PATJ: variants seen among roughly 807,000 people sequenced by gnomAD.
PATJ encodes the protein inaD-like protein.
A neutral mutation model predicts 224.9 loss-of-function variants in PATJ; 190 were observed. The observed-to-expected ratio is 0.84, with a 90% CI of 0.75 to 0.95. PATJ has a LOEUF of 0.95. Ranked by LOEUF, PATJ falls within the 40% of genes least tolerant of loss-of-function variation. The pLI is 0.00. For missense variants in PATJ, 2,121 were observed against 2,270.3 expected, an observed-to-expected ratio of 0.93 and a Z score of 1.34; for synonymous variants, 769 against 820.3, an observed-to-expected ratio of 0.94 and a Z score of 1.07.
rs1229865239 is a variant in PATJ, at chr1:62,161,327, ATTTCTTTTTTTTTTT to A, written c.*277_*291del. ...TTTTGCATTTAATTTCAGTGTTCCGATTTCTTTTTTTTTTTTTTTTTTTTTTTTTGAGACGGAGTC... is the reference window on the plus strand; with the variant it reads ...TTTTGCATTTAATTTCAGTGTTCCGATTTTTTTTTTTTTTGAGACGGAGTC... On this transcript the variant is annotated 3_prime_UTR_variant, in exon 44 of 44. Coordinates refer to ENST00000642238, the MANE Select transcript of PATJ (RefSeq NM_001350145.3). The A allele has an allele frequency of 7.5e-6, 1 of 133,672 alleles. No individual in the cohort carries two copies. The highest frequency in any genetic ancestry group is 3.8e-5 in the African/African-American group (1 of 26,342). The allele number at this position is 133,672 out of a possible 1,614,324, so 8.3% of individuals were successfully genotyped here.
rs955614419 is a variant in PATJ at position 61,831,847 on chromosome 1, A to G, written c.1981-1807A>G. 3.3e-5 allele frequency among the ~76,000 whole-genome samples: 5 copies of G among 152,260 alleles called. 1 individual carries two copies. Among genetic ancestry groups the G allele is most frequent in the Non-Finnish European group, 7.3e-5 (5 of 68,044 alleles). On this transcript the variant is annotated intron_variant, in intron 16 of 43. Transcript: ENST00000642238. ...TTACTGCGTATATACCCAGAGGAAT[A>G]TAAATTGTTTTGCCATAAAGATGCA...
chr1:61,898,931 C>T (rs932272654), intron 22 of PATJ, among the ~76,000 whole-genome samples: 12 of 149,542 alleles, frequency 8.0e-5, no homozygotes, highest in African/African-American at 2.5e-4. Flanking sequence ...GGACTACAGG[C>T]ATGTGCCACC....
chr1:62,128,532 G>C, intron 40 of PATJ: 1 of 318,442 alleles, frequency 3.1e-6, no homozygotes, highest in Non-Finnish European at 5.8e-6. Flanking sequence ...TTTATTGAAC[G>C]GTTGATGTGT....
intron 34 of PATJ, among the ~76,000 whole-genome samples, chr1:62,112,451 A>G (rs1663953332): frequency 6.6e-6 from 1 of 152,222 alleles, no homozygotes; most frequent in Admixed American, 6.5e-5. Flanking sequence ...GGCTGCAATG[A>G]GCCGGGATCG....
chr1:61,767,453 C>A (rs1487511899), intron 4 of PATJ, among the ~76,000 whole-genome samples: 1 of 151,994 alleles, frequency 6.6e-6, no homozygotes, highest in African/African-American at 2.4e-5. Flanking sequence ...GTTGGCAGAT[C>A]ACTTGAGCCC....
At chr1:62,159,169 T>C (rs1040295525) in intron 43 of PATJ, among the ~76,000 whole-genome samples, 2 of 152,192 alleles carry the variant, frequency 1.3e-5, no homozygotes, top group Admixed American at 1.3e-4. Context: ...ATTACTTTCT[T>C]AAAAGATTTG....
chr1:61,899,371 T>C (rs1300152847), intron 22 of PATJ, among the ~76,000 whole-genome samples: 2 of 152,228 alleles, frequency 1.3e-5, no homozygotes, highest in African/African-American at 4.8e-5. Flanking sequence ...AATAATTCTG[T>C]GATTTTCTAA....
intron 29 of PATJ, among the ~76,000 whole-genome samples, chr1:62,019,242 C>CAAA (rs57010731): frequency 1.2e-5 from 1 of 85,880 alleles, no homozygotes; most frequent in South Asian, 3.7e-4. Context: ...GAGATTGTCT[C>CAAA]AAAAAAAAAA....
At chr1:62,121,784 A>AAAAG (rs71050200) in intron 38 of PATJ, among the ~76,000 whole-genome samples, 114,094 of 150,110 alleles carry the variant, frequency 0.76, 43,935 homozygotes, top group East Asian at 0.91. Flanking sequence ...CAGAAAAAAA[A>AAAAG]AAAGAAATTC....
intron 42 of PATJ, among the ~76,000 whole-genome samples, chr1:62,151,968 C>T (rs1414578339): frequency 1.3e-5 from 2 of 152,188 alleles, no homozygotes; most frequent in Admixed American, 6.6e-5. Flanking sequence ...AAGACTTCCA[C>T]ACTGGATGAA....
Position 62,037,981 on chromosome 1 carries a change from G to A in PATJ, c.3964G>A (p.Glu1322Lys), listed in dbSNP as rs778684402. ...SKVKLVFIRN[E>K]DAVNQMAVTP... ...GCCTATTTTAACACTTCACAGAAAC[G>A]AGGATGCAGTCAATCAGATGGCCGT... The change falls in exon 30 of 44, where the codon GAG becomes AAG. Residue 1322 changes from glutamate (E) to lysine (K), a missense_variant. Glu to Lys is a moderately conservative substitution (Grantham distance 56). Coordinates refer to ENST00000642238, the MANE Select transcript of PATJ (RefSeq NM_001350145.3). The A allele has an allele frequency of 9.4e-6, 15 of 1,602,220 alleles. No homozygotes were observed. Among genetic ancestry groups the A allele is most frequent in the African/African-American group, 1.3e-5 (1 of 74,746 alleles).
intron 26 of PATJ, among the ~76,000 whole-genome samples, chr1:61,918,562 C>A (rs147995550): frequency 7.2e-5 from 11 of 152,172 alleles, no homozygotes; most frequent in African/African-American, 2.6e-4. Flanking sequence ...CTGCCCACCT[C>A]CGCCTCTCAA....
intron 41 of PATJ, among the ~76,000 whole-genome samples, chr1:62,142,879 A>G (rs569459238): frequency 1.7e-4 from 26 of 152,292 alleles, no homozygotes; most frequent in African/African-American, 6.0e-4. Context: ...TGCATAATTA[A>G]AGTCTGAATT....
intron 28 of PATJ, among the ~76,000 whole-genome samples, chr1:62,015,699 A>ATTTTTGTTTTTTG (rs1646734843): frequency 6.6e-6 from 1 of 151,584 alleles, no homozygotes; most frequent in Admixed American, 6.6e-5. Context: ...CATCCAGCTA[A>ATTTTTGTTTTTTG]TTTTTGTTTT....
At chr1:62,144,483 A>G (rs2149010506) in intron 41 of PATJ, among the ~76,000 whole-genome samples, 1 of 152,250 alleles carries the variant, frequency 6.6e-6, no homozygotes, top group East Asian at 1.9e-4. Context: ...CTGGCAGACA[A>G]AGTTCCCTCT....
At chr1:61,871,287 C>G (rs1666335085) in intron 20 of PATJ, among the ~76,000 whole-genome samples, 1 of 144,112 alleles carries the variant, frequency 6.9e-6, no homozygotes, top group African/African-American at 2.5e-5. Flanking sequence ...TCTTGGCTCA[C>G]CGCAACCTCT....
In PATJ at chr1:62,037,959, T is replaced by C. The variant is rs368196695; in HGVS notation, c.3960-18T>C. The C allele has an allele frequency of 6.6e-5, 104 of 1,581,802 alleles. No individual in the cohort carries two copies. The Middle Eastern group carries it at 6.7e-4, about 10-fold the overall frequency. ...GCATTTACTGTGTACTGATTCTGCC[T>C]ATTTTAACACTTCACAGAAACGAGG... On this transcript the variant is annotated intron_variant, in intron 29 of 43. Transcript: ENST00000642238.
intron 26 of PATJ, among the ~76,000 whole-genome samples, chr1:61,927,225 T>C (rs191716075): frequency 6.6e-6 from 1 of 152,332 alleles, no homozygotes; most frequent in East Asian, 1.9e-4. Flanking sequence ...AAATTATAGA[T>C]GAATACATTT....
chr1:61,773,153 T>G (rs1646714051), intron 6 of PATJ, among the ~76,000 whole-genome samples: 1 of 152,040 alleles, frequency 6.6e-6, no homozygotes, highest in African/African-American at 2.4e-5. Context: ...CCTAAGTAGC[T>G]GGGATTTACA....
Sources: allele counts gnomAD v4.1 joint callset (sites outside exome capture counted in the v4.1 genomes callset), GRCh38; gene constraint gnomAD v4.1.1; transcripts MANE v1.5; gene names NCBI Gene and HGNC (gene_info 2026-07-23, HGNC 2026-07-21).